VPS52: variants seen among roughly 807,000 people sequenced by gnomAD.
VPS52 encodes the protein vacuolar protein sorting-associated protein 52 homolog.
Under a neutral mutation model 98.7 loss-of-function variants are expected in VPS52, and 56 were observed. The ratio of observed to expected loss-of-function variants is 0.57; its 90% CI spans 0.46 to 0.71. The LOEUF is 0.71. Ranked by LOEUF, VPS52 falls within the 30% of genes least tolerant of loss-of-function variation. VPS52 has a pLI of 0.00. For missense variants in VPS52, 742 were observed against 925.9 expected, an observed-to-expected ratio of 0.80 and a Z score of 2.58; for synonymous variants, 348 against 346.4, an observed-to-expected ratio of 1.00 and a Z score of -0.05.
intron 17 of VPS52, among the ~76,000 whole-genome samples, chr6:33,259,004 G>A (rs995182173): frequency 2.6e-5 from 4 of 152,180 alleles, no homozygotes; most frequent in African/African-American, 9.7e-5. Flanking sequence ...ACCCGGCAAC[G>A]GATGAATGAG....
chr6:33,267,143 G>A lies in VPS52; in HGVS notation c.1125+45C>T, dbSNP rs200052518. 3.0e-5 allele frequency: 44 copies of A among 1,453,620 alleles called. No homozygotes were observed. The highest frequency in any genetic ancestry group is 9.8e-5 in the East Asian group (4 of 40,796). The allele number at this position is 1,453,620 out of a possible 1,614,324, so 90.0% of individuals were successfully genotyped here. On this transcript the variant is annotated intron_variant, in intron 11 of 19. Transcript: ENST00000445902. This position sits in a 1 kb window ranked among gnomAD's most constrained non-coding sequence, Gnocchi z 4.2. The stretch of plus-strand genomic sequence containing the variant: ...TGAGGTCTGGCCTTCCCTCCCCACC[G>A]TGCTCAGAGCCTCTTTCGTGACTGA...
Position 33,270,181 on chromosome 6 carries a change from C to G in VPS52, c.175+18G>C, listed in dbSNP as rs1270739771. The G allele has an allele frequency of 6.2e-7, 1 of 1,612,050 alleles. No homozygotes were observed. The highest frequency in any genetic ancestry group is 2.2e-5 in the East Asian group (1 of 44,840). On this transcript the variant is annotated intron_variant, in intron 2 of 19. Transcript: ENST00000445902. Reference sequence around the variant, plus strand: ...TCTCAGATTACAGGTACTGCACCCACCCCATGCCATCGCTTACCATCCACT... The same window carrying G: ...TCTCAGATTACAGGTACTGCACCCAGCCCATGCCATCGCTTACCATCCACT...
At chr6:33,263,982 G>A (rs1763970385) in intron 15 of VPS52, 26 bp downstream of exon 15, 1 of 1,613,986 alleles carries the variant, frequency 6.2e-7, no homozygotes, top group Non-Finnish European at 8.5e-7. Context: ...CCTGCTGCTG[G>A]GAAGTGTCTC....
chr6:33,271,781 T>C lies in VPS52; in HGVS notation c.-106A>G. 6.8e-7 allele frequency: 1 copy of C among 1,471,260 alleles called. No homozygotes were observed. Among genetic ancestry groups the C allele is most frequent in the Non-Finnish European group, 9.0e-7 (1 of 1,110,052 alleles). 91.1% of individuals were successfully genotyped at this position (1,471,260 alleles called of 1,614,324 possible). A position where few individuals can be genotyped will look rare whatever the true frequency, so the allele number is the denominator to read the frequency against. On this transcript the variant is annotated 5_prime_UTR_variant, in exon 1 of 20. In the 5' UTR this introduces an upstream ATG that the reference lacks. Coordinates refer to ENST00000445902, the MANE Select transcript of VPS52 (RefSeq NM_022553.6). ...TCCTCAGCGCGAAATCGTTCCCAGATATTTGAGTTAAGTTGTTTGACTCCA... is the reference window on the plus strand; with the variant it reads ...TCCTCAGCGCGAAATCGTTCCCAGACATTTGAGTTAAGTTGTTTGACTCCA...
At position 33,264,476 on chromosome 6, in the gene VPS52, G is replaced by C. The variant is rs1229956847; in HGVS notation, c.1422C>G (p.Ala474=). 6 of 1,614,048 alleles carry C rather than the reference G, an allele frequency of 3.7e-6. No homozygotes were observed. The Admixed American group carries it at 1.0e-4, about 27-fold the overall frequency. The change falls in exon 14 of 20, where the codon GCC becomes GCG. Residue 474 remains alanine (A), a synonymous_variant. Coordinates refer to ENST00000445902, the MANE Select transcript of VPS52 (RefSeq NM_022553.6). ...ALDRYWEQVL[A]LLWPRFELIL... ...TCAGTTCAAACCGTGGCCATAGCAAGGCAAGCACCTGTTCCCAGTACCTGT... is the reference window on the plus strand; with the variant it reads ...TCAGTTCAAACCGTGGCCATAGCAACGCAAGCACCTGTTCCCAGTACCTGT...
At chr6:33,264,151 AAC>A in intron 14 of VPS52, 48 bp from the exon 15 acceptor site, 1 of 1,604,416 alleles carries the variant, frequency 6.2e-7, no homozygotes, top group Non-Finnish European at 8.5e-7. Flanking sequence ...TGGCCCAACC[AAC>A]ACAACCTCCC....
At chr6:33,253,714 A>G (rs1410375582) in intron 17 of VPS52, among the ~76,000 whole-genome samples, 1 of 152,018 alleles carries the variant, frequency 6.6e-6, no homozygotes, top group Non-Finnish European at 1.5e-5. Flanking sequence ...ATATCATGCT[A>G]CTACACTCCA....
chr6:33,265,537 T>C (rs1764203636), intron 12 of VPS52, among the ~76,000 whole-genome samples: 2 of 152,300 alleles, frequency 1.3e-5, no homozygotes, highest in South Asian at 4.1e-4. Flanking sequence ...TGGTTAAGTT[T>C]ATTTTTAAAT....
intron 17 of VPS52, among the ~76,000 whole-genome samples, chr6:33,256,326 G>A (rs975636502): frequency 6.6e-6 from 1 of 150,996 alleles, no homozygotes; most frequent in Admixed American, 6.6e-5. Flanking sequence ...AAAGCCAAGT[G>A]TGGTGCTGTG....
intron 12 of VPS52, among the ~76,000 whole-genome samples, chr6:33,266,258 C>A (rs115724705): frequency 0.012 from 1,773 of 150,988 alleles, 29 homozygotes; most frequent in African/African-American, 0.04. Flanking sequence ...TCCACCTCAG[C>A]ATCTTTAGTA....
chr6:33,268,853 T>C lies in VPS52; in HGVS notation c.548+161A>G, dbSNP rs149374304. On this transcript the variant is annotated intron_variant, in intron 6 of 19. Transcript: ENST00000445902. This position sits in a 1 kb window ranked among gnomAD's most constrained non-coding sequence, Gnocchi z 4.0. ...CTTACATCATTCTTAATCTTAATCT[T>C]TGATGCCTAATGCATACCTAAAGAA... 5.3e-5 allele frequency among the ~76,000 whole-genome samples: 8 copies of C among 152,348 alleles called. No individual in the cohort carries two copies. The highest frequency in any genetic ancestry group is 6.5e-5 in the Admixed American group (1 of 15,306).
intron 2 of VPS52, 34 bp from the exon 3 acceptor site, chr6:33,270,085 C>A (rs1161116135): frequency 4.3e-6 from 7 of 1,614,002 alleles, no homozygotes; most frequent in Admixed American, 1.7e-5. Context: ...GGGTCCAGCT[C>A]CACAGCTCCC....
At chr6:33,257,802 G>GT (rs1196891681) in intron 17 of VPS52, among the ~76,000 whole-genome samples, 1 of 152,166 alleles carries the variant, frequency 6.6e-6, no homozygotes, top group Non-Finnish European at 1.5e-5. Flanking sequence ...GAGGCCAGGA[G>GT]TTTGAGACCA....
chr6:33,265,374 TG>T (rs1764182327), intron 12 of VPS52, among the ~76,000 whole-genome samples: 1 of 151,828 alleles, frequency 6.6e-6, no homozygotes, highest in African/African-American at 2.4e-5. Context: ...CTGCACCCGG[TG>T]TTTTCGGCTT....
chr6:33,268,507 G>A lies in VPS52; in HGVS notation c.691C>T (p.Arg231Trp), dbSNP rs147423039. ...ADVRGVLDRL[R>W]VKAVTKIREF... ...CCATCCCTACTTCCCACCTTGACCC[G>A]GAGCCGATCGAGCACGCCTCTGACA... Residue 231 changes from arginine (R) to tryptophan (W), a missense_variant, in exon 7 of 20, where the codon CGG (arginine) becomes TGG (tryptophan). Arg to Trp is a moderately radical substitution (Grantham distance 101). Around this residue, in one of 2 missense-constraint regions of VPS52, gnomAD observed 590 missense variants for 793.3 expected, o/e 0.74. Coordinates refer to ENST00000445902, the MANE Select transcript of VPS52 (RefSeq NM_022553.6). This position sits in a 1 kb window ranked among gnomAD's most constrained non-coding sequence, Gnocchi z 4.0. 1.0e-4 allele frequency: 161 copies of A among 1,601,648 alleles called. No homozygotes were observed. Among genetic ancestry groups the A allele is most frequent in the Non-Finnish European group, 1.3e-4 (155 of 1,172,820 alleles).
chr6:33,262,214 A>C (rs1348227788), intron 17 of VPS52, among the ~76,000 whole-genome samples: 1 of 152,150 alleles, frequency 6.6e-6, no homozygotes, highest in African/African-American at 2.4e-5. Flanking sequence ...TGGGCAAAAG[A>C]TTTGAATAGA....
chr6:33,251,377 A>G, intron 19 of VPS52, 141 bp downstream of exon 19: 1 of 671,870 alleles, frequency 1.5e-6, no homozygotes, highest in South Asian at 1.9e-5. Flanking sequence ...AAAAAGAATC[A>G]GGTTAGGGCT....
At position 33,267,744 on chromosome 6, in the gene VPS52, G is replaced by A. The variant is rs764121130; in HGVS notation, c.934-5C>T. The A allele has an allele frequency of 6.2e-7, 1 of 1,612,860 alleles. No homozygotes were observed. The highest frequency in any genetic ancestry group is 1.7e-5 in the Admixed American group (1 of 59,986). ...TTTCTCAGCGACTTCCTCATACTAA[G>A]GAAAGAGAAAAGAGAACTGATAACC... On this transcript the variant is annotated splice_polypyrimidine_tract_variant and splice_region_variant and intron_variant, in intron 9 of 19. Coordinates refer to ENST00000445902, the MANE Select transcript of VPS52 (RefSeq NM_022553.6). This position sits in a 1 kb window ranked among gnomAD's most constrained non-coding sequence, Gnocchi z 4.2.
At position 33,271,612 on chromosome 6, in the gene VPS52, C is replaced by A; in HGVS notation, c.64G>T (p.Asp22Tyr). ...RELVLRAGTS[D>Y]MEEEEGPLAG... ...AGCGGGCCCTCTTCCTCCTCCATAT[C>A]TGAGGTCCCAGCCCGCAACACCAGT... The change falls in exon 1 of 20, where the codon GAT becomes TAT. Residue 22 changes from aspartate (D) to tyrosine (Y), a missense_variant. Asp to Tyr is a radical substitution (Grantham distance 160, BLOSUM62 -3). Around this residue, in one of 2 missense-constraint regions of VPS52, gnomAD observed 152 missense variants for 132.6 expected, o/e 1.15. Coordinates refer to ENST00000445902, the MANE Select transcript of VPS52 (RefSeq NM_022553.6). 1.2e-6 allele frequency: 2 copies of A among 1,611,690 alleles called. No individual in the cohort carries two copies. The highest frequency in any genetic ancestry group is 1.3e-5 in the African/African-American group (1 of 74,940).
Sources: gnomAD v4.1 joint callset for allele counts (sites outside exome capture counted in the v4.1 genomes callset) on GRCh38, gnomAD v4.1.1 for gene constraint, gnomAD v4.1.1 regional missense constraint, Gnocchi (gnomAD v3.1) non-coding constraint, MANE v1.5 for transcripts, NCBI Gene and HGNC (gene_info 2026-07-23, HGNC 2026-07-21) for gene names.